Variants in RLN2 observed in about 807,000 individuals in gnomAD.
RLN2 encodes the protein relaxin 2.
In RLN2, 10 loss-of-function variants were observed where a neutral mutation model predicts 7.3. The ratio of observed to expected loss-of-function variants is 1.36; its 90% CI spans 0.84 to 2.31. The LOEUF (loss-of-function observed/expected upper bound fraction) is 2.31, where lower values mean the gene tolerates loss of function less well. RLN2 is among the 30% of genes most tolerant of loss of function. The pLI is 0.00. For missense variants in RLN2, 298 were observed against 217.6 expected (o/e 1.37, Z -2.32); for synonymous variants, 103 against 82.3 (o/e 1.25, Z -1.36).
At chr9:5,333,493 T>G in the RLN2 span, among the ~76,000 whole-genome samples, 2 of 151,962 alleles carry the variant, frequency 1.3e-5, no homozygotes, top group African/African-American at 2.4e-5. Context: ...AATCCCTGAA[T>G]AGACAATGAG....
At chr9:5,319,445 A>G in the RLN2 span, among the ~76,000 whole-genome samples, 8 of 151,842 alleles carry the variant, frequency 5.3e-5, no homozygotes, top group Non-Finnish European at 1.0e-4. Flanking sequence ...TTTTATGAGA[A>G]GTTTTTTTTA....
chr9:5,323,538 G>T, the RLN2 span, among the ~76,000 whole-genome samples: 4 of 151,688 alleles, frequency 2.6e-5, 1 homozygote, highest in Admixed American at 6.6e-5. Context: ...CATTTTTAGG[G>T]TGTCCAGTCC....
the RLN2 span, among the ~76,000 whole-genome samples, chr9:5,327,231 C>G: frequency 1.5e-3 from 234 of 152,228 alleles, 3 homozygotes; most frequent in African/African-American, 5.6e-3. Context: ...AACCGCAGAC[C>G]AGGAGATACC....
chr9:5,333,190 C>T, the RLN2 span, among the ~76,000 whole-genome samples: 3 of 152,002 alleles, frequency 2.0e-5, no homozygotes, highest in African/African-American at 7.3e-5. Context: ...TGAGAAAATG[C>T]GCTCATGCAC....
the RLN2 span, among the ~76,000 whole-genome samples, chr9:5,312,833 T>C: frequency 3.3e-5 from 5 of 152,020 alleles, no homozygotes; most frequent in Non-Finnish European, 7.4e-5. Context: ...CTTTGACCCA[T>C]TGTTTAGGAG....
chr9:5,314,778 C>T, the RLN2 span, among the ~76,000 whole-genome samples: 1 of 152,010 alleles, frequency 6.6e-6, no homozygotes, highest in Non-Finnish European at 1.5e-5. Flanking sequence ...TGCTGTCACA[C>T]CTGGCTTCAC....
upstream of RLN2, among the ~76,000 whole-genome samples, chr9:5,309,668 C>T (rs1402372327): frequency 1.3e-5 from 2 of 152,052 alleles, no homozygotes; most frequent in African/African-American, 4.8e-5. Context: ...ACCGCCCATC[C>T]CAGTTCCTCT....
intron 1 of RLN2, among the ~76,000 whole-genome samples, chr9:5,302,245 A>T (rs1399764465): frequency 2.6e-5 from 4 of 152,228 alleles, no homozygotes; most frequent in Non-Finnish European, 4.4e-5. Context: ...AGGCTCAAAG[A>T]AAATATTCTG....
the RLN2 span, among the ~76,000 whole-genome samples, chr9:5,330,161 C>A: frequency 6.6e-6 from 1 of 152,044 alleles, no homozygotes. Flanking sequence ...TGAATGACTA[C>A]TGGGTAAGTA....
At chr9:5,322,726 G>A in the RLN2 span, among the ~76,000 whole-genome samples, 4 of 152,108 alleles carry the variant, frequency 2.6e-5, no homozygotes, top group Middle Eastern at 6.8e-3. Flanking sequence ...TCTCACTGGA[G>A]ATGTCCATAT....
chr9:5,302,889 ATT>A (rs1440359417), intron 1 of RLN2, among the ~76,000 whole-genome samples: 1 of 149,568 alleles, frequency 6.7e-6, no homozygotes, highest in Non-Finnish European at 1.5e-5. Flanking sequence ...AAATGTTAAC[ATT>A]TCTTTCCACT....
At chr9:5,334,973 T>C in the RLN2 span, 4 of 296,722 alleles carry the variant, frequency 1.3e-5, no homozygotes, top group Non-Finnish European at 2.5e-5. Context: ...ATGGTTAAAG[T>C]GGCAAAGGTT....
At chr9:5,306,011 ACAGT>A (rs1279710634), upstream of RLN2, among the ~76,000 whole-genome samples, 1 of 151,876 alleles carries the variant, frequency 6.6e-6, no homozygotes, top group Non-Finnish European at 1.5e-5. Context: ...TTGTGGGTTG[ACAGT>A]CCTTGTAAAA....
At chr9:5,324,430 G>T in the RLN2 span, among the ~76,000 whole-genome samples, 1 of 151,930 alleles carries the variant, frequency 6.6e-6, no homozygotes, top group Non-Finnish European at 1.5e-5. Context: ...CATGTAAAAT[G>T]ATTTAAAAAT....
chr9:5,311,379 CG>C, the RLN2 span: 2 of 462,788 alleles, frequency 4.3e-6, no homozygotes, highest in African/African-American at 4.0e-5. Context: ...GGAAAACAGC[CG>C]GGGCTCTCAT....
At chr9:5,311,916 G>A in the RLN2 span, among the ~76,000 whole-genome samples, 4 of 151,366 alleles carry the variant, frequency 2.6e-5, no homozygotes, top group South Asian at 2.1e-4. Flanking sequence ...ATGCTGGTGC[G>A]CTGCACCCAC....
chr9:5,309,264 C>T (rs1370964564), upstream of RLN2, among the ~76,000 whole-genome samples: 1 of 152,078 alleles, frequency 6.6e-6, no homozygotes, highest in Non-Finnish European at 1.5e-5. Flanking sequence ...CCTCTTCCCA[C>T]ATCCCTTCTC....
upstream of RLN2, among the ~76,000 whole-genome samples, chr9:5,306,483 G>C (rs965106972): frequency 4.6e-5 from 7 of 152,012 alleles, no homozygotes; most frequent in African/African-American, 1.7e-4. Flanking sequence ...AACAGATTGA[G>C]AGTTGTCATG....
chr9:5,309,299 A>G (rs1816306030), upstream of RLN2, among the ~76,000 whole-genome samples: 1 of 152,036 alleles, frequency 6.6e-6, no homozygotes, highest in African/African-American at 2.4e-5. Context: ...GTTGATAGAA[A>G]ATTAGTCTCT....
Sources: gnomAD v4.1 joint callset for allele counts (sites outside exome capture counted in the v4.1 genomes callset) on GRCh38, gnomAD v4.1.1 for gene constraint, MANE v1.5 for transcripts, NCBI Gene and HGNC (gene_info 2026-07-23, HGNC 2026-07-21) for gene names.